DPP10: variants seen among roughly 807,000 people sequenced by gnomAD.
DPP10 encodes dipeptidyl peptidase like 10.
A neutral mutation model predicts 120.9 loss-of-function variants in DPP10; 33 were observed. That is an observed-to-expected ratio of 0.27 (90% CI 0.21 to 0.37). The LOEUF (loss-of-function observed/expected upper bound fraction) is 0.37, where lower values mean the gene tolerates loss of function less well. Ranked by LOEUF, DPP10 falls within the 10% of genes least tolerant of loss-of-function variation. The pLI is 1.00. For synonymous variants in DPP10, 337 were observed against 326.1 expected, an observed-to-expected ratio of 1.03 and a Z score of -0.36; for missense variants, 816 against 942.8, an observed-to-expected ratio of 0.87 and a Z score of 1.76.
intron 24 of DPP10, among the ~76,000 whole-genome samples, 170 bp downstream of exon 24, chr2:115,836,916 AGAG>A (rs1689599362): frequency 6.6e-6 from 1 of 152,182 alleles, no homozygotes; most frequent in African/African-American, 2.4e-5. Flanking sequence ...TTCAGAGATA[AGAG>A]GAGAGGAGGC....
intron 1 of DPP10, among the ~76,000 whole-genome samples, chr2:114,594,009 T>C (rs1691678291): frequency 6.6e-6 from 1 of 152,046 alleles, no homozygotes; most frequent in African/African-American, 2.4e-5. Context: ...GAGTGTCAAC[T>C]TGATTGGATT....
intron 1 of DPP10, chr2:114,463,353 A>G (rs921745930): frequency 6.6e-6 from 1 of 152,132 alleles, no homozygotes; most frequent in Non-Finnish European, 1.5e-5. Context: ...AGAAAATTGG[A>G]TCTAACTCTT....
At chr2:115,539,293 AAGTTAG>A (rs2079045766) in intron 5 of DPP10, among the ~76,000 whole-genome samples, 1 of 152,036 alleles carries the variant, frequency 6.6e-6, no homozygotes, top group Non-Finnish European at 1.5e-5. Flanking sequence ...CAGAGAAAAG[AAGTTAG>A]ATATATTTCT....
intron 1 of DPP10, among the ~76,000 whole-genome samples, chr2:115,049,566 C>G (rs1378970506): frequency 6.6e-6 from 1 of 152,122 alleles, no homozygotes; most frequent in Non-Finnish European, 1.5e-5. Flanking sequence ...TTGATATAAG[C>G]CATTCCTTTT....
At chr2:114,521,153 T>C (rs1270975730) in intron 1 of DPP10, among the ~76,000 whole-genome samples, 2 of 151,882 alleles carry the variant, frequency 1.3e-5, no homozygotes, top group Non-Finnish European at 2.9e-5. Flanking sequence ...TACTTTTAAG[T>C]AAAATGAGTG....
chr2:115,528,611 A>T (rs2078274333), intron 5 of DPP10, among the ~76,000 whole-genome samples: 1 of 152,092 alleles, frequency 6.6e-6, no homozygotes, highest in African/African-American at 2.4e-5. Flanking sequence ...GAGACAGCCC[A>T]GATGTTCTTC....
chr2:114,854,370 C>G (rs1341985463), intron 1 of DPP10, among the ~76,000 whole-genome samples: 1 of 152,138 alleles, frequency 6.6e-6, no homozygotes, highest in Non-Finnish European at 1.5e-5. Context: ...ATCTTCAACT[C>G]TAGTCTCGTC....
At chr2:115,750,585 C>A (rs2149737529) in intron 10 of DPP10, among the ~76,000 whole-genome samples, 1 of 152,208 alleles carries the variant, frequency 6.6e-6, no homozygotes, top group Admixed American at 6.5e-5. Context: ...TGACCGTAAG[C>A]CACATTATTT....
chr2:115,545,623 G>C (rs1433745306), intron 5 of DPP10, among the ~76,000 whole-genome samples: 1 of 152,092 alleles, frequency 6.6e-6, no homozygotes, highest in Non-Finnish European at 1.5e-5. Context: ...AATAAAGTCT[G>C]GAAATCAGAA....
intron 1 of DPP10, among the ~76,000 whole-genome samples, chr2:114,609,918 C>A (rs967809066): frequency 4.6e-5 from 7 of 152,160 alleles, no homozygotes; most frequent in Admixed American, 4.6e-4. Flanking sequence ...ATCCTTCAAT[C>A]CCACATCCTT....
chr2:115,470,080 A>G (rs554058029), intron 3 of DPP10, among the ~76,000 whole-genome samples: 5 of 152,214 alleles, frequency 3.3e-5, no homozygotes, highest in Non-Finnish European at 7.4e-5. Context: ...TTAATTGGGA[A>G]TTTTCAAAAT....
At chr2:115,279,058 A>G (rs1438329177) in intron 1 of DPP10, among the ~76,000 whole-genome samples, 1 of 152,172 alleles carries the variant, frequency 6.6e-6, no homozygotes, top group Non-Finnish European at 1.5e-5. Flanking sequence ...TTGACACCAA[A>G]AGCGCAAGCA....
intron 13 of DPP10, among the ~76,000 whole-genome samples, chr2:115,769,748 G>A (rs1681231579): frequency 6.6e-6 from 1 of 151,864 alleles, no homozygotes; most frequent in East Asian, 1.9e-4. Flanking sequence ...GTATAATTAA[G>A]GGAACTTTTT....
At position 114,943,512 on chromosome 2, in the gene DPP10, T is replaced by C. The variant is rs924535266; in HGVS notation, c.61-365727T>C. Among the ~76,000 whole-genome samples, 3 of 152,172 alleles carry C rather than the reference T, an allele frequency of 2.0e-5. No individual in the cohort carries two copies. The South Asian group carries it at 6.2e-4, about 32-fold the overall frequency. On this transcript the variant is annotated intron_variant, in intron 1 of 25. Coordinates refer to ENST00000410059, the MANE Select transcript of DPP10 (RefSeq NM_020868.6). ...TGGTCTTGAACTCCTGACCTCATGA[T>C]CCACCTGCCTCGGCCTCCCAAAGTG...
intron 5 of DPP10, among the ~76,000 whole-genome samples, chr2:115,536,275 C>T (rs369254534): frequency 1.3e-5 from 2 of 151,918 alleles, no homozygotes; most frequent in Admixed American, 6.6e-5. Flanking sequence ...TAGTATAACA[C>T]AGTTTACTAT....
chr2:115,221,591 G>A (rs532071099), intron 1 of DPP10, among the ~76,000 whole-genome samples: 2 of 152,178 alleles, frequency 1.3e-5, no homozygotes, highest in South Asian at 2.1e-4. Context: ...CTTCTTTAGA[G>A]TATTTTATGG....
intron 1 of DPP10, among the ~76,000 whole-genome samples, chr2:114,864,857 T>C (rs1477625607): frequency 6.6e-6 from 1 of 151,678 alleles, no homozygotes. Flanking sequence ...GGGTAGAACC[T>C]TGCCAAGATC....
At chr2:115,623,186 T>C (rs2085103479) in intron 5 of DPP10, among the ~76,000 whole-genome samples, 1 of 152,212 alleles carries the variant, frequency 6.6e-6, no homozygotes, top group Non-Finnish European at 1.5e-5. Flanking sequence ...TTTTGTGGTA[T>C]GATGGCAGAG....
chr2:115,237,063 A>G (rs1354662971), intron 1 of DPP10, among the ~76,000 whole-genome samples: 3 of 152,190 alleles, frequency 2.0e-5, no homozygotes, highest in East Asian at 1.9e-4. Context: ...GGTTCCTACT[A>G]TGAAGCTAAG....
Sources: gnomAD v4.1 joint callset for allele counts (sites outside exome capture counted in the v4.1 genomes callset) on GRCh38, gnomAD v4.1.1 for gene constraint, MANE v1.5 for transcripts, NCBI Gene and HGNC (gene_info 2026-07-23, HGNC 2026-07-21) for gene names.